ASAP3: variants seen among roughly 807,000 people sequenced by gnomAD.
ASAP3 encodes the protein ArfGAP with SH3 domain, ankyrin repeat and PH domain 3, also known as arf-GAP with SH3 domain, ANK repeat and PH domain-containing protein 3.
Under a neutral mutation model 118.2 loss-of-function variants are expected in ASAP3, and 85 were observed. That is an observed-to-expected ratio of 0.72 (90% CI 0.60 to 0.86). ASAP3 has a LOEUF of 0.86. ASAP3 is among the 40% of genes least tolerant of loss of function. The probability of loss-of-function intolerance (pLI) is 0.00; values close to 1 mark genes in which losing one functional copy is unlikely to be tolerated. For missense variants in ASAP3, 1,026 were observed against 1,175.0 expected, an observed-to-expected ratio of 0.87 and a Z score of 1.85; for synonymous variants, 432 against 477.4, an observed-to-expected ratio of 0.90 and a Z score of 1.24.
At chr1:23,483,460 G>C (rs1642376889) in intron 1 of ASAP3, among the ~76,000 whole-genome samples, 1 of 152,164 alleles carries the variant, frequency 6.6e-6, no homozygotes, top group Non-Finnish European at 1.5e-5. Context: ...GGAGGGGAGA[G>C]GAGACGATAA....
chr1:23,451,607 A>G (rs754517272), intron 4 of ASAP3, 79 bp from the exon 5 acceptor site: 23 of 1,478,660 alleles, frequency 1.6e-5, no homozygotes, highest in Admixed American at 5.1e-5. Context: ...TGCCTGTAGG[A>G]GGACCTGCTA....
At position 23,437,420 on chromosome 1, in the gene ASAP3, T is replaced by C; in HGVS notation, c.1151+4A>G. On this transcript the variant is annotated splice_donor_region_variant and intron_variant, in intron 13 of 24. Coordinates refer to ENST00000336689, the MANE Select transcript of ASAP3 (RefSeq NM_017707.4). The surrounding 1 kb of genome is among the most constrained non-coding windows in gnomAD (Gnocchi z 6.1). ...CTGGCCGGGCTGGCCGAGGGGGCAC[T>C]CACGCCTCACACTCGTGCTCGTCCT... 1 of 1,613,870 alleles carries C rather than the reference T, an allele frequency of 6.2e-7. No homozygotes were observed. Among genetic ancestry groups the C allele is most frequent in the Non-Finnish European group, 8.5e-7 (1 of 1,179,884 alleles).
intron 1 of ASAP3, among the ~76,000 whole-genome samples, chr1:23,473,283 C>T (rs986856898): frequency 7.2e-5 from 11 of 152,326 alleles, no homozygotes; most frequent in East Asian, 5.8e-4. Context: ...GGGTGTAGCC[C>T]GCAGCAGCTG....
In ASAP3 at chr1:23,436,493, C is replaced by T. The variant is rs976633711; in HGVS notation, c.1571+67G>A. On this transcript the variant is annotated intron_variant, in intron 16 of 24. Transcript: ENST00000336689. This position sits in a 1 kb window ranked among gnomAD's most constrained non-coding sequence, Gnocchi z 4.2. ...AGACTTCTGATCCAAGACTTTTCTA[C>T]GACCCTGGACACTGCGGAGGCAGAA... The T allele has an allele frequency of 1.2e-5, 18 of 1,555,526 alleles. No homozygotes were observed. The African/African-American group carries it at 1.5e-4, about 13-fold the overall frequency.
Position 23,436,828 on chromosome 1 carries a change from C to T in ASAP3, c.1476+83G>A. ...CAGCCCACCTCGGCCAGGTCCCACCCACAACCTGCAAGCCCCGCCCCCGGA... is the reference window on the plus strand; with the variant it reads ...CAGCCCACCTCGGCCAGGTCCCACCTACAACCTGCAAGCCCCGCCCCCGGA... On this transcript the variant is annotated intron_variant, in intron 15 of 24. Transcript: ENST00000336689. The surrounding 1 kb of genome is among the most constrained non-coding windows in gnomAD (Gnocchi z 4.2). The T allele has an allele frequency of 6.4e-7, 1 of 1,563,388 alleles. No individual in the cohort carries two copies. The highest frequency in any genetic ancestry group is 8.7e-7 in the Non-Finnish European group (1 of 1,154,370).
At position 23,456,146 on chromosome 1, in the gene ASAP3, G is replaced by A. The variant is rs370249845; in HGVS notation, c.178C>T (p.Arg60Trp). ...AILQRIKKAVRAIHSSGLGHV... is the reference protein window; with the variant it reads ...AILQRIKKAVWAIHSSGLGHV... ...CCAAGGCCGGAGCTATGGATTGCCC[G>A]CACAGCCTTCTTTATTCTCTGCAGG... Residue 60 changes from arginine (R) to tryptophan (W), a missense_variant, in exon 2 of 25, where the codon CGG (arginine) becomes TGG (tryptophan). Arg to Trp is a moderately radical substitution (Grantham distance 101, BLOSUM62 -3). Transcript: ENST00000336689. 37 of 1,614,002 alleles carry A rather than the reference G, an allele frequency of 2.3e-5. No individual in the cohort carries two copies. Among genetic ancestry groups the A allele is most frequent in the South Asian group, 3.3e-5 (3 of 91,080 alleles).
At chr1:23,450,987 C>T (rs541720924) in intron 5 of ASAP3, among the ~76,000 whole-genome samples, 3 of 152,282 alleles carry the variant, frequency 2.0e-5, no homozygotes, top group East Asian at 3.9e-4. Flanking sequence ...ACACAGAAAG[C>T]CATTTCCTTC....
intron 17 of ASAP3, among the ~76,000 whole-genome samples, chr1:23,435,413 C>T (rs1332280473): frequency 6.6e-6 from 1 of 152,264 alleles, no homozygotes; most frequent in African/African-American, 2.4e-5. Flanking sequence ...TCTCCATGCT[C>T]ATGTGTTTGT....
intron 1 of ASAP3, among the ~76,000 whole-genome samples, chr1:23,469,729 A>G (rs757576230): frequency 1.8e-4 from 28 of 152,146 alleles, no homozygotes; most frequent in Admixed American, 1.2e-3. Context: ...TATTCCTCCC[A>G]ACAACTCTGT....
chr1:23,482,960 AAAAGG>A (rs1642358754), intron 1 of ASAP3, among the ~76,000 whole-genome samples: 1 of 152,002 alleles, frequency 6.6e-6, no homozygotes, highest in Non-Finnish European at 1.5e-5. Flanking sequence ...TCAAAAAAAA[AAAAGG>A]AAAGAAAAAA....
chr1:23,440,581 G>C (rs1197707327), intron 10 of ASAP3, among the ~76,000 whole-genome samples: 2 of 149,046 alleles, frequency 1.3e-5, no homozygotes, highest in Non-Finnish European at 3.0e-5. Flanking sequence ...TGCCAGCCGG[G>C]CGCGGTGGCT....
chr1:23,447,846 G>A (rs1641096665), intron 5 of ASAP3, among the ~76,000 whole-genome samples: 1 of 152,166 alleles, frequency 6.6e-6, no homozygotes, highest in Non-Finnish European at 1.5e-5. Context: ...TTGACAAAAT[G>A]TACACAGCTG....
intron 22 of ASAP3, among the ~76,000 whole-genome samples, chr1:23,432,829 C>A (rs1349615456): frequency 2.0e-5 from 3 of 152,102 alleles, no homozygotes; most frequent in Admixed American, 6.5e-5. Context: ...TTAAGTGGAG[C>A]ATTGAGGAAT....
In ASAP3 at chr1:23,431,713, G is replaced by A. The variant is rs1257083314; in HGVS notation, c.2529C>T (p.Tyr843=). The stretch of plus-strand genomic sequence containing the variant: ...TCACCAACCTGAATCTGACGGGGAG[G>A]TACATCTCCGAAGGGGTGGTCCCGG... ...LTSGTTPSEM[Y]LPVRFSSEST... Residue 843 remains tyrosine, a synonymous_variant, in exon 23 of 25, where the codon TAC becomes TAT. Coordinates refer to ENST00000336689, the MANE Select transcript of ASAP3 (RefSeq NM_017707.4). 1.3e-6 allele frequency: 2 copies of A among 1,523,394 alleles called. No individual in the cohort carries two copies. The highest frequency in any genetic ancestry group is 2.3e-5 in the East Asian group (1 of 43,286). 94.4% of individuals were successfully genotyped at this position (1,523,394 alleles called of 1,614,324 possible).
intron 1 of ASAP3, among the ~76,000 whole-genome samples, chr1:23,472,701 A>T (rs1641998342): frequency 6.6e-6 from 1 of 152,142 alleles, no homozygotes; most frequent in South Asian, 2.1e-4. Context: ...TTTTCTCTGT[A>T]TGTTTCCTGA....
chr1:23,460,969 C>T (rs1641567755), intron 1 of ASAP3, among the ~76,000 whole-genome samples: 1 of 152,108 alleles, frequency 6.6e-6, no homozygotes, highest in African/African-American at 2.4e-5. Flanking sequence ...TTTGAAAAGG[C>T]TACTACATGA....
Position 23,434,630 on chromosome 1 carries a change from T to A in ASAP3, c.1750-12A>T. 1 of 1,611,938 alleles carries A rather than the reference T, an allele frequency of 6.2e-7. No individual in the cohort carries two copies. The highest frequency in any genetic ancestry group is 8.5e-7 in the Non-Finnish European group (1 of 1,179,578). On this transcript the variant is annotated splice_polypyrimidine_tract_variant and intron_variant, in intron 17 of 24. Transcript: ENST00000336689. ...AGTTCTTCAGGTGCCTGAAAACACA[T>A]CCACACCTCTGAGATTCCCCCCCCA...
chr1:23,455,374 C>T (rs1160354809), intron 3 of ASAP3, among the ~76,000 whole-genome samples: 1 of 152,188 alleles, frequency 6.6e-6, no homozygotes, highest in Admixed American at 6.5e-5. Context: ...CGGGAAGCAA[C>T]CCGAGGCCAC....
At position 23,439,054 on chromosome 1, in the gene ASAP3, T is replaced by C. The variant is rs1364526672; in HGVS notation, c.1014+107A>G. On this transcript the variant is annotated intron_variant, in intron 11 of 24. Transcript: ENST00000336689. ...AAACGGGTCTCCAGCTCCCTGGACCTAGGTTTGGGGGCCAGTCTTAGAGGG... is the reference window on the plus strand; with the variant it reads ...AAACGGGTCTCCAGCTCCCTGGACCCAGGTTTGGGGGCCAGTCTTAGAGGG... The C allele has an allele frequency of 6.3e-6, 9 of 1,417,654 alleles. No individual in the cohort carries two copies. The African/African-American group carries it at 1.1e-4, about 18-fold the overall frequency. The allele number at this position is 1,417,654 out of a possible 1,614,324, so 87.8% of individuals were successfully genotyped here.
Sources: gnomAD v4.1 joint callset for allele counts (sites outside exome capture counted in the v4.1 genomes callset) on GRCh38, gnomAD v4.1.1 for gene constraint, Gnocchi (gnomAD v3.1) non-coding constraint, MANE v1.5 for transcripts, NCBI Gene and HGNC (gene_info 2026-07-23, HGNC 2026-07-21) for gene names.